The following NDST4 variants were observed in gnomAD, a reference collection of about 807,000 sequenced individuals.
NDST4 encodes the protein N-heparan sulfate sulfotransferase 4.
In NDST4, 63 loss-of-function variants were observed where a neutral mutation model predicts 100.8. The observed-to-expected ratio is 0.62, with a 90% CI of 0.51 to 0.77. The LOEUF (loss-of-function observed/expected upper bound fraction) is 0.77. Among genes scored for constraint, NDST4 ranks in the 30% least tolerant of loss-of-function variants. The pLI is 0.00. For missense variants in NDST4, 943 were observed against 1,018.4 expected (o/e 0.93, Z 1.01); for synonymous variants, 377 against 361.8 (o/e 1.04, Z -0.48).
chr4:115,084,904 C>T (rs1280219562), intron 1 of NDST4, among the ~76,000 whole-genome samples: 1 of 152,036 alleles, frequency 6.6e-6, no homozygotes, highest in African/African-American at 2.4e-5. Context: ...TACTGTGGCA[C>T]TGCTTAGTGA....
At chr4:114,847,826 G>A (rs924446098) in intron 9 of NDST4, among the ~76,000 whole-genome samples, 5 of 152,054 alleles carry the variant, frequency 3.3e-5, no homozygotes, top group Admixed American at 1.3e-4. Context: ...TACATGTCAC[G>A]AATTATAAAA....
intron 2 of NDST4, among the ~76,000 whole-genome samples, chr4:115,002,709 C>G (rs535889407): frequency 6.6e-6 from 1 of 151,932 alleles, no homozygotes; most frequent in Non-Finnish European, 1.5e-5. Flanking sequence ...ACCATTTGAC[C>G]CAGGAATCCC....
chr4:115,011,580 T>C (rs776162266), intron 2 of NDST4, among the ~76,000 whole-genome samples: 11 of 151,898 alleles, frequency 7.2e-5, no homozygotes, highest in Non-Finnish European at 1.5e-4. Context: ...GTTTTTTAAG[T>C]GAAGAATTTA....
At chr4:114,965,333 A>G (rs900649709) in intron 4 of NDST4, among the ~76,000 whole-genome samples, 1 of 152,088 alleles carries the variant, frequency 6.6e-6, no homozygotes, top group African/African-American at 2.4e-5. Context: ...AATATGACAC[A>G]TACATAGCTG....
At chr4:114,956,053 A>G (rs1726132761) in intron 4 of NDST4, 2 of 152,270 alleles carry the variant, frequency 1.3e-5, no homozygotes, top group African/African-American at 4.8e-5. Context: ...CTCATAGAAA[A>G]GAAGCTGTAC....
intron 2 of NDST4, among the ~76,000 whole-genome samples, chr4:114,991,202 C>T (rs1056929116): frequency 2.6e-5 from 4 of 151,978 alleles, no homozygotes; most frequent in African/African-American, 9.7e-5. Flanking sequence ...GACCATGGTG[C>T]ACTTATTTAA....
At chr4:114,910,947 C>G (rs1213743243) in intron 6 of NDST4, among the ~76,000 whole-genome samples, 14 of 152,184 alleles carry the variant, frequency 9.2e-5, no homozygotes, top group Admixed American at 9.2e-4. Flanking sequence ...TACTGCCTAG[C>G]TGAAGCATTA....
intron 2 of NDST4, among the ~76,000 whole-genome samples, chr4:115,050,059 T>C (rs1425420519): frequency 6.6e-6 from 1 of 152,136 alleles, no homozygotes; most frequent in East Asian, 1.9e-4. Context: ...ATCTCTCACC[T>C]GATACCTTTA....
chr4:114,884,235 T>A (rs548520131), intron 6 of NDST4, among the ~76,000 whole-genome samples: 1 of 152,190 alleles, frequency 6.6e-6, no homozygotes, highest in African/African-American at 2.4e-5. Context: ...ACACACTCAC[T>A]TGCACACTTA....
At chr4:114,894,548 G>A (rs1724671735) in intron 6 of NDST4, among the ~76,000 whole-genome samples, 1 of 152,002 alleles carries the variant, frequency 6.6e-6, no homozygotes, top group Non-Finnish European at 1.5e-5. Flanking sequence ...TTTGCCTATT[G>A]TTGCTGTAAA....
At chr4:115,039,945 T>C (rs561333516) in intron 2 of NDST4, among the ~76,000 whole-genome samples, 1 of 152,012 alleles carries the variant, frequency 6.6e-6, no homozygotes, top group Non-Finnish European at 1.5e-5. Context: ...ACGCAACCAA[T>C]ACTAACATGT....
intron 6 of NDST4, among the ~76,000 whole-genome samples, chr4:114,900,719 A>G (rs1478395744): frequency 4.6e-5 from 7 of 152,168 alleles, no homozygotes; most frequent in African/African-American, 1.2e-4. Context: ...AAAATTACCT[A>G]AAGATGCATT....
At chr4:114,856,148 C>T (rs1010330511) in intron 7 of NDST4, among the ~76,000 whole-genome samples, 3 of 151,904 alleles carry the variant, frequency 2.0e-5, no homozygotes, top group Non-Finnish European at 4.4e-5. Flanking sequence ...CTGCAACCTT[C>T]TCTTCTCAGA....
intron 8 of NDST4, among the ~76,000 whole-genome samples, chr4:114,849,663 G>A (rs1297996426): frequency 6.6e-6 from 1 of 152,176 alleles, no homozygotes; most frequent in Non-Finnish European, 1.5e-5. Context: ...CACCTAGAAT[G>A]AAACACTGTG....
chr4:114,828,928 C>A (rs1320735991), intron 13 of NDST4, among the ~76,000 whole-genome samples: 1 of 152,122 alleles, frequency 6.6e-6, no homozygotes, highest in Non-Finnish European at 1.5e-5. Flanking sequence ...CCAGGTATTT[C>A]ATTATGTTTC....
chr4:115,101,041 G>A (rs1003707223), intron 1 of NDST4, among the ~76,000 whole-genome samples: 4 of 150,132 alleles, frequency 2.7e-5, no homozygotes, highest in African/African-American at 7.3e-5. Context: ...GGATGTAGAG[G>A]AAAAAAAAAT....
intron 6 of NDST4, among the ~76,000 whole-genome samples, chr4:114,912,427 A>G (rs1013492780): frequency 6.6e-6 from 1 of 152,156 alleles, no homozygotes; most frequent in Non-Finnish European, 1.5e-5. Context: ...CATTCTCCCC[A>G]ATTACACATA....
chr4:115,048,197 T>C (rs1728505712), intron 2 of NDST4, among the ~76,000 whole-genome samples: 1 of 152,074 alleles, frequency 6.6e-6, no homozygotes, highest in Admixed American at 6.6e-5. Flanking sequence ...TAATGAGGGA[T>C]AGCCATGCAG....
At chr4:114,884,834 C>T (rs935027532) in intron 6 of NDST4, among the ~76,000 whole-genome samples, 6 of 151,968 alleles carry the variant, frequency 3.9e-5, no homozygotes, top group East Asian at 3.9e-4. Flanking sequence ...TATCAAAATA[C>T]GTAAGATGAT....
Sources: allele counts gnomAD v4.1 joint callset (sites outside exome capture counted in the v4.1 genomes callset), GRCh38; gene constraint gnomAD v4.1.1; transcripts MANE v1.5; gene names NCBI Gene and HGNC (gene_info 2026-07-23, HGNC 2026-07-21).